The following SAMD4B variants were observed in gnomAD, a reference collection of about 807,000 sequenced individuals.
The protein encoded by SAMD4B is sterile alpha motif domain containing 4B.
Under a neutral mutation model 74.5 loss-of-function variants are expected in SAMD4B, and 5 were observed. The observed-to-expected ratio is 0.07, with a 90% CI of 0.04 to 0.14. The LOEUF (loss-of-function observed/expected upper bound fraction) is 0.14. SAMD4B is among the 10% of genes least tolerant of loss of function. The pLI is 1.00. For synonymous variants in SAMD4B, 373 were observed against 374.9 expected, an observed-to-expected ratio of 1.00 and a Z score of 0.06; for missense variants, 608 against 921.8, an observed-to-expected ratio of 0.66 and a Z score of 4.41.
At chr19:39,389,584 G>C (rs771799749), downstream of SAMD4B, 1 of 1,614,124 alleles carries the variant, frequency 6.2e-7, no homozygotes, top group Non-Finnish European at 8.5e-7. The surrounding 1 kb of genome is among the most constrained non-coding windows in gnomAD (Gnocchi z 5.3). Flanking sequence ...CATGAGGGAG[G>C]CCCAGGCCTG....
intron 4 of SAMD4B, among the ~76,000 whole-genome samples, chr19:39,374,739 G>A (rs2077505028): frequency 1.3e-5 from 2 of 152,194 alleles, no homozygotes; most frequent in South Asian, 4.1e-4. Flanking sequence ...TACTCGGGAG[G>A]CTGAGGCAGG....
At chr19:39,345,997 ACCCGT>A (rs1461969891) in intron 1 of SAMD4B, among the ~76,000 whole-genome samples, 1 of 151,662 alleles carries the variant, frequency 6.6e-6, no homozygotes, top group African/African-American at 2.4e-5. Context: ...GACCTGCCTC[ACCCGT>A]CCTGGTTGGC....
chr19:39,377,096 C>CT (rs2077645877), intron 7 of SAMD4B, among the ~76,000 whole-genome samples: 1 of 152,180 alleles, frequency 6.6e-6, no homozygotes, highest in African/African-American at 2.4e-5. Context: ...CAGAGTGTCT[C>CT]TGTCTGTACA....
Position 39,383,838 on chromosome 19 carries a change from C to G in SAMD4B, c.*311C>G. 1.1e-6 allele frequency: 1 copy of G among 905,576 alleles called. No individual in the cohort carries two copies. The highest frequency in any genetic ancestry group is 1.7e-5 in the African/African-American group (1 of 60,250). 56.1% of individuals were successfully genotyped at this position (905,576 alleles called of 1,614,324 possible). A position where few individuals can be genotyped will look rare whatever the true frequency, so the allele number is the denominator to read the frequency against. On this transcript the variant is annotated 3_prime_UTR_variant, in exon 14 of 14. Coordinates refer to ENST00000610417, the MANE Select transcript of SAMD4B (RefSeq NM_001384574.2). The surrounding 1 kb of genome is among the most constrained non-coding windows in gnomAD (Gnocchi z 4.1). ...CCACCTGGTCCCATCCCACCCCTGC[C>G]TCCTCCAGACCGCTGACCACCTGCC...
chr19:39,350,519 CTCCAG>C (rs2075973820), intron 1 of SAMD4B: 1 of 152,308 alleles, frequency 6.6e-6, no homozygotes, highest in Non-Finnish European at 1.5e-5. Context: ...GAGACAAAGT[CTCCAG>C]TCCCCCAGGC....
chr19:39,376,786 G>A lies in SAMD4B; in HGVS notation c.1099G>A (p.Glu367Lys). The part of the protein sequence containing the change: ...RERQSVLKSL[E>K]KDVLEGGNLR... ...GAGACAGAGCGTCCTCAAGTCCCTA[G>A]AGAAGGTGAGGACCTGGTTTCTGCA... The change falls in exon 7 of 14, where the codon GAG becomes AAG. Residue 367 changes from glutamate to lysine, a missense_variant. Physicochemically the swap from Glu to Lys is moderately conservative, Grantham distance 56 (BLOSUM62 1). This residue lies in a region of SAMD4B where 39 missense variants were observed against 125.3 expected (regional missense o/e 0.31). Coordinates refer to ENST00000610417, the MANE Select transcript of SAMD4B (RefSeq NM_001384574.2). 1 of 1,613,918 alleles carries A rather than the reference G, an allele frequency of 6.2e-7. No homozygotes were observed. The highest frequency in any genetic ancestry group is 8.5e-7 in the Non-Finnish European group (1 of 1,179,786).
intron 1 of SAMD4B, among the ~76,000 whole-genome samples, chr19:39,353,535 T>C (rs1181825708): frequency 6.6e-6 from 1 of 152,204 alleles, no homozygotes; most frequent in African/African-American, 2.4e-5. Context: ...TACATATTAC[T>C]GTGTAGCTTA....
chr19:39,375,928 G>T lies in SAMD4B; in HGVS notation c.907+39G>T. The T allele has an allele frequency of 1.3e-6, 2 of 1,588,948 alleles. No individual in the cohort carries two copies. Among genetic ancestry groups the T allele is most frequent in the Non-Finnish European group, 8.5e-7 (1 of 1,171,060 alleles). On this transcript the variant is annotated intron_variant, in intron 5 of 13. Coordinates refer to ENST00000610417, the MANE Select transcript of SAMD4B (RefSeq NM_001384574.2). The surrounding 1 kb of genome is among the most constrained non-coding windows in gnomAD (Gnocchi z 4.1). ...AGCAGCACCAGGACCCTTTTCCAGG[G>T]GCTTCTGCAGAGCTTAGAGGACAGA...
intron 1 of SAMD4B, among the ~76,000 whole-genome samples, chr19:39,343,032 C>G (rs574178928): frequency 1.4e-3 from 217 of 152,096 alleles, no homozygotes; most frequent in African/African-American, 5.0e-3. Flanking sequence ...CCGAAGCCCC[C>G]GTCCTCCTCC....
intron 1 of SAMD4B, among the ~76,000 whole-genome samples, chr19:39,347,468 C>G (rs80106881): frequency 0.021 from 3,152 of 152,278 alleles, 49 homozygotes; most frequent in Middle Eastern, 0.041. Context: ...GGCAATCTCC[C>G]TCCCCACTGT....
chr19:39,376,743 C>T lies in SAMD4B; in HGVS notation c.1056C>T (p.Ser352=). 3 of 1,614,242 alleles carry T rather than the reference C, an allele frequency of 1.9e-6. No homozygotes were observed. Among genetic ancestry groups the T allele is most frequent in the Non-Finnish European group, 2.5e-6 (3 of 1,180,036 alleles). Residue 352 remains serine, a synonymous_variant, in exon 7 of 14, where the codon AGC becomes AGT. Coordinates refer to ENST00000610417, the MANE Select transcript of SAMD4B (RefSeq NM_001384574.2). ...GTGCCCGCCACAAGATAGCCCTGAG[C>T]ATCCAGAAGCTGCGTGAGAGACAGA... is the stretch of plus-strand genomic sequence containing the variant. ...TKGARHKIAL[S]IQKLRERQSV...
chr19:39,381,843 G>A (rs970899438), intron 12 of SAMD4B, among the ~76,000 whole-genome samples: 5 of 152,198 alleles, frequency 3.3e-5, no homozygotes, highest in Non-Finnish European at 7.3e-5. Flanking sequence ...GAGGCAGGAG[G>A]ATCGCTTGAG....
At position 39,381,057 on chromosome 19, in the gene SAMD4B, G is replaced by A. The variant is rs2077950930; in HGVS notation, c.1916G>A (p.Arg639His). The change falls in exon 12 of 14, where the codon CGC becomes CAC. Residue 639 changes from arginine to histidine, a missense_variant. Arg to His is a conservative substitution (Grantham distance 29). Coordinates refer to ENST00000610417, the MANE Select transcript of SAMD4B (RefSeq NM_001384574.2). ...AGTCAGAGCCGCAGCTCTGTGCAGC[G>A]CACCCACTCGCTCCCGGTCCACTCG... ...MPSQSRSSVQ[R>H]THSLPVHSSP... The A allele has an allele frequency of 3.1e-6, 5 of 1,612,714 alleles. No individual in the cohort carries two copies. Among genetic ancestry groups the A allele is most frequent in the South Asian group, 1.1e-5 (1 of 91,006 alleles).
downstream of SAMD4B, chr19:39,388,633 G>A: frequency 1.2e-6 from 2 of 1,614,116 alleles, no homozygotes; most frequent in East Asian, 2.2e-5. Context: ...TCTACAGGCA[G>A]GAAATAGGCC....
At chr19:39,388,284 C>G, downstream of SAMD4B, 2 of 1,602,006 alleles carry the variant, frequency 1.2e-6, no homozygotes, top group Non-Finnish European at 1.7e-6. Context: ...CTTGCATGCC[C>G]CAGGGTCTTA....
At chr19:39,367,042 A>G (rs983946525) in intron 3 of SAMD4B, among the ~76,000 whole-genome samples, 3 of 152,234 alleles carry the variant, frequency 2.0e-5, no homozygotes, top group Non-Finnish European at 4.4e-5. Flanking sequence ...GTGGCCTCAC[A>G]TAATTCATAG....
intron 1 of SAMD4B, among the ~76,000 whole-genome samples, chr19:39,347,875 G>A (rs1174735036): frequency 6.6e-6 from 1 of 152,164 alleles, no homozygotes; most frequent in Non-Finnish European, 1.5e-5. Flanking sequence ...TGGAGACAGA[G>A]CAGTGAATAA....
At chr19:39,357,188 C>A in intron 3 of SAMD4B, 99 bp downstream of exon 3, 2 of 1,119,476 alleles carry the variant, frequency 1.8e-6, no homozygotes, top group Admixed American at 2.6e-5. Context: ...GACTAAAAAA[C>A]GTGGGTTCTA....
intron 12 of SAMD4B, among the ~76,000 whole-genome samples, chr19:39,382,716 G>A (rs917326266): frequency 6.6e-6 from 1 of 152,160 alleles, no homozygotes; most frequent in South Asian, 2.1e-4. Context: ...GTCCCATGGT[G>A]GTTGTCCTAC....
Sources: gnomAD v4.1 joint callset for allele counts (sites outside exome capture counted in the v4.1 genomes callset) on GRCh38, gnomAD v4.1.1 for gene constraint, gnomAD v4.1.1 regional missense constraint, Gnocchi (gnomAD v3.1) non-coding constraint, MANE v1.5 for transcripts, NCBI Gene and HGNC (gene_info 2026-07-23, HGNC 2026-07-21) for gene names.